The following CACNA1D variants were observed in gnomAD, a reference collection of about 807,000 sequenced individuals.
CACNA1D encodes voltage-dependent L-type calcium channel subunit alpha-1D.
CACNA1D carries 55 observed loss-of-function variants against 257.1 expected under a neutral mutation model. The observed-to-expected ratio is 0.21, with a 90% CI of 0.17 to 0.27. CACNA1D has a LOEUF of 0.27. Among genes scored for constraint, CACNA1D ranks in the 10% least tolerant of loss-of-function variants. The pLI, the probability that CACNA1D is intolerant of heterozygous loss-of-function variation, is 1.00. For synonymous variants in CACNA1D, 980 were observed against 1,014.9 expected (o/e 0.97, Z 0.65); for missense variants, 1,876 against 2,784.0 (o/e 0.67, Z 7.34).
At chr3:53,511,523 C>T (rs1046574002) in intron 3 of CACNA1D, among the ~76,000 whole-genome samples, 7 of 152,128 alleles carry the variant, frequency 4.6e-5, no homozygotes, top group East Asian at 1.9e-4. Context: ...ATGTCTTCGC[C>T]GTGCTTTTGT....
intron 14 of CACNA1D, among the ~76,000 whole-genome samples, chr3:53,725,116 A>G (rs1036117241): frequency 1.3e-5 from 2 of 151,942 alleles, no homozygotes; most frequent in African/African-American, 4.8e-5. Flanking sequence ...AACCACCATT[A>G]AACAGTTTCT....
intron 9 of CACNA1D, among the ~76,000 whole-genome samples, chr3:53,710,808 T>G (rs959536755): frequency 6.6e-6 from 1 of 152,342 alleles, no homozygotes; most frequent in South Asian, 2.1e-4. Context: ...TTTAAACCGT[T>G]TAGAAATTCC....
intron 3 of CACNA1D, among the ~76,000 whole-genome samples, chr3:53,594,830 C>G (rs1416607214): frequency 1.3e-5 from 2 of 152,248 alleles, no homozygotes; most frequent in African/African-American, 4.8e-5. Flanking sequence ...AGGGATCCTG[C>G]TTTTCTTCCC....
chr3:53,667,832 T>A (rs2094283345), intron 7 of CACNA1D, among the ~76,000 whole-genome samples: 1 of 144,554 alleles, frequency 6.9e-6, no homozygotes, highest in African/African-American at 2.7e-5. Context: ...TGTGTGTGTG[T>A]GTGTATGCAT....
chr3:53,504,459 A>G (rs2090739904), intron 3 of CACNA1D, among the ~76,000 whole-genome samples: 1 of 152,132 alleles, frequency 6.6e-6, no homozygotes, highest in Non-Finnish European at 1.5e-5. Flanking sequence ...TTTGGAGACT[A>G]CCTTGGGGGG....
At chr3:53,810,984 C>T in intron 47 of CACNA1D, 129 bp from the exon 48 acceptor site, 2 of 748,738 alleles carry the variant, frequency 2.7e-6, no homozygotes, top group Admixed American at 2.0e-5. Flanking sequence ...GTCTAGAAAA[C>T]ATGATTGAGC....
intron 8 of CACNA1D, among the ~76,000 whole-genome samples, chr3:53,698,441 A>G (rs1210943793): frequency 6.6e-6 from 1 of 152,232 alleles, no homozygotes; most frequent in Non-Finnish European, 1.5e-5. Context: ...CAAGACTGAG[A>G]GTATGTCGTC....
intron 20 of CACNA1D, among the ~76,000 whole-genome samples, chr3:53,736,517 C>T (rs899327004): frequency 1.3e-4 from 20 of 152,308 alleles, no homozygotes; most frequent in African/African-American, 4.8e-4. Flanking sequence ...GTGCACCAGG[C>T]AGAGCCACTT....
At chr3:53,790,912 CT>C (rs1559694455) in intron 40 of CACNA1D, 3 of 684,192 alleles carry the variant, frequency 4.4e-6, no homozygotes, top group African/African-American at 1.8e-5. Context: ...AAATTTTTTT[CT>C]TTTTTTAATC....
chr3:53,794,647 C>CT (rs2095499647), intron 40 of CACNA1D, among the ~76,000 whole-genome samples: 1 of 152,138 alleles, frequency 6.6e-6, no homozygotes, highest in African/African-American at 2.4e-5. Flanking sequence ...ATTGAAGACC[C>CT]TTGTGTGTCA....
intron 10 of CACNA1D, among the ~76,000 whole-genome samples, chr3:53,719,086 C>T (rs2094854472): frequency 6.6e-6 from 1 of 152,138 alleles, no homozygotes. Flanking sequence ...CGTGGGGGAG[C>T]CCTGTGCGGT....
chr3:53,622,449 G>T (rs1160582473), intron 3 of CACNA1D, among the ~76,000 whole-genome samples: 3 of 152,210 alleles, frequency 2.0e-5, no homozygotes, highest in Non-Finnish European at 4.4e-5. Context: ...CCATTAAAAA[G>T]AACAAGATCA....
intron 4 of CACNA1D, among the ~76,000 whole-genome samples, chr3:53,657,264 G>A (rs1421331132): frequency 1.3e-5 from 2 of 151,896 alleles, no homozygotes; most frequent in Non-Finnish European, 2.9e-5. Context: ...ATTATGGTGA[G>A]CAAAAGAAGA....
intron 3 of CACNA1D, among the ~76,000 whole-genome samples, chr3:53,540,951 C>T (rs1239334437): frequency 2.0e-5 from 3 of 152,018 alleles, no homozygotes; most frequent in Admixed American, 2.0e-4. Context: ...CATGTTGGCC[C>T]GGCTGGTCTT....
At position 53,691,848 on chromosome 3, in the gene CACNA1D, A is replaced by T. The variant is rs1265456101; in HGVS notation, c.1221-10793A>T. On this transcript the variant is annotated intron_variant, in intron 8 of 47. Transcript: ENST00000350061. The stretch of plus-strand genomic sequence containing the variant: ...TATCTATAATATATATTACATATAT[A>T]ATATATAATATATATTATATATATT... 3.4e-3 allele frequency among the ~76,000 whole-genome samples: 384 copies of T among 114,050 alleles called. 2 individuals carry two copies. The highest frequency in any genetic ancestry group is 5.0e-3 in the Non-Finnish European group (290 of 57,618). The allele number at this position is 114,050 out of a possible 152,430, so 74.8% of individuals were successfully genotyped here. A position where few individuals can be genotyped will look rare whatever the true frequency, so the allele number is the denominator to read the frequency against.
At chr3:53,758,932 T>C (rs1335410134) in intron 29 of CACNA1D, among the ~76,000 whole-genome samples, 1 of 152,136 alleles carries the variant, frequency 6.6e-6, no homozygotes, top group African/African-American at 2.4e-5. Context: ...AACTGAGTCA[T>C]GCCACTTGAC....
intron 3 of CACNA1D, among the ~76,000 whole-genome samples, chr3:53,532,590 C>T (rs2091984168): frequency 6.6e-6 from 1 of 152,180 alleles, no homozygotes; most frequent in African/African-American, 2.4e-5. Flanking sequence ...TTTATCATGT[C>T]TCTTGATTTT....
chr3:53,623,553 T>C (rs887296532), intron 3 of CACNA1D, among the ~76,000 whole-genome samples: 4 of 152,228 alleles, frequency 2.6e-5, no homozygotes, highest in African/African-American at 7.2e-5. Flanking sequence ...GGAATAAATA[T>C]GCTCAAGTGG....
At chr3:53,783,333 C>A (rs540340111) in intron 39 of CACNA1D, among the ~76,000 whole-genome samples, 8 of 152,324 alleles carry the variant, frequency 5.3e-5, no homozygotes, top group African/African-American at 1.9e-4. Flanking sequence ...TTTAGCTCGC[C>A]ATCGAAGCTC....
Sources: gnomAD v4.1 joint callset for allele counts (sites outside exome capture counted in the v4.1 genomes callset) on GRCh38, gnomAD v4.1.1 for gene constraint, MANE v1.5 for transcripts, NCBI Gene and HGNC (gene_info 2026-07-23, HGNC 2026-07-21) for gene names.